Variants in DMD observed in about 807,000 individuals in gnomAD.
DMD encodes dystrophin, also known as mutant dystrophin.
DMD carries 63 observed loss-of-function variants against 330.1 expected under a neutral mutation model. The ratio of observed to expected loss-of-function variants is 0.19; its 90% CI spans 0.16 to 0.24. The LOEUF (loss-of-function observed/expected upper bound fraction) is 0.24. DMD is among the 10% of genes least tolerant of loss of function. DMD has a pLI of 1.00. For missense variants in DMD, 3,344 were observed against 2,684.1 expected, an observed-to-expected ratio of 1.25 and a Z score of -5.43; for synonymous variants, 1,223 against 959.8, an observed-to-expected ratio of 1.27 and a Z score of -5.07.
chrX:33,025,429 C>T (rs2093977685), intron 1 of DMD, among the ~76,000 whole-genome samples: 1 of 110,543 alleles, frequency 9.0e-6, no homozygotes, highest in Non-Finnish European at 1.9e-5. Flanking sequence ...CTCTTCTCTG[C>T]CATCAGATAA....
At chrX:32,607,819 T>C (rs774093921) in intron 12 of DMD, among the ~76,000 whole-genome samples, 2 of 110,576 alleles carry the variant, frequency 1.8e-5, no homozygotes, top group East Asian at 2.8e-4. Context: ...TAATTTTGTA[T>C]TACCTATACG....
chrX:32,814,632 G>T (rs1021626817), intron 6 of DMD, among the ~76,000 whole-genome samples: 1 of 111,988 alleles, frequency 8.9e-6, no homozygotes, highest in African/African-American at 3.2e-5. Context: ...GAGAGTTACT[G>T]ATGATTCATC....
At chrX:32,708,012 G>A (rs2064839814) in intron 7 of DMD, among the ~76,000 whole-genome samples, 2 of 111,871 alleles carry the variant, frequency 1.8e-5, no homozygotes, top group African/African-American at 6.5e-5. Context: ...AAAAAGTATA[G>A]TCAGTTTCAG....
intron 11 of DMD, among the ~76,000 whole-genome samples, chrX:32,623,113 T>A (rs967888552): frequency 8.9e-6 from 1 of 111,895 alleles, no homozygotes; most frequent in Admixed American, 9.5e-5. Context: ...GGAAGGGCTT[T>A]ATTACAGTAC....
chrX:32,945,406 T>C (rs1223982218), intron 2 of DMD, among the ~76,000 whole-genome samples: 4 of 111,621 alleles, frequency 3.6e-5, no homozygotes, highest in Admixed American at 9.5e-5. Flanking sequence ...GTTATAATAG[T>C]TGTCATTGTT....
rs999651884 is a variant in DMD at position 31,120,152 on chromosome X, A to G, written c.*1767T>C. ...GCAAAATTATAGGTCACACGGTGGT[A>G]TCTATTGAATGAATGATTTAAAAAT... On this transcript the variant is annotated 3_prime_UTR_variant, in exon 79 of 79. Transcript: ENST00000357033. The G allele has an allele frequency of 1.8e-5, 2 of 111,944 alleles. No individual in the cohort carries two copies. Among genetic ancestry groups the G allele is most frequent in the Non-Finnish European group, 3.8e-5 (2 of 52,956 alleles). 9.2% of individuals were successfully genotyped at this position (111,944 alleles called of 1,213,427 possible). A position where few individuals can be genotyped will look rare whatever the true frequency, so the allele number is the denominator to read the frequency against.
At chrX:32,783,176 C>A (rs1047409460) in intron 7 of DMD, among the ~76,000 whole-genome samples, 1 of 94,017 alleles carries the variant, frequency 1.1e-5, no homozygotes, top group African/African-American at 3.7e-5. Context: ...GGCATATACA[C>A]ACATATATAC....
At position 33,127,937 on chromosome X, in the gene DMD, T is replaced by C. The variant is rs2095475315; in HGVS notation, c.31+83345A>G. ...GTGATTTGCATTATCCTATAGGTTA[T>C]TGGTGTCAAACCCCTTTCTTCCCTT... On this transcript the variant is annotated intron_variant, in intron 1 of 78. Coordinates refer to ENST00000357033, the MANE Select transcript of DMD (RefSeq NM_004006.3). The C allele has an allele frequency of 2.6e-5, 20 of 778,494 alleles. No individual in the cohort carries two copies. In the South Asian group the frequency reaches 6.4e-4, roughly 25 times the overall value. The allele number at this position is 778,494 out of a possible 1,213,427, so 64.2% of individuals were successfully genotyped here. A position where few individuals can be genotyped will look rare whatever the true frequency, so the allele number is the denominator to read the frequency against.
chrX:32,670,248 C>T (rs1238387288), intron 9 of DMD, among the ~76,000 whole-genome samples: 2 of 112,009 alleles, frequency 1.8e-5, no homozygotes, highest in South Asian at 7.3e-4. Context: ...AGTCAAGTAA[C>T]ACCCAGTAAT....
rs202232293 is a variant in DMD at position 32,693,767 on chromosome X, T to TA, written c.960+4102dup. ...CGGTGTAGTTTGTTTTTTTAAGTGT[T>TA]ACAATGAGGGTAGCCTTCACTTTTA... On this transcript the variant is annotated intron_variant, in intron 9 of 78. Transcript: ENST00000357033. 2.7e-3 allele frequency among the ~76,000 whole-genome samples: 300 copies of TA among 111,851 alleles called. 1 individual carries two copies. Among genetic ancestry groups the TA allele is most frequent in the African/African-American group, 9.3e-3 (287 of 30,718 alleles).
intron 50 of DMD, among the ~76,000 whole-genome samples, chrX:31,811,313 G>A (rs756757219): frequency 1.3e-3 from 150 of 111,872 alleles, no homozygotes; most frequent in African/African-American, 4.8e-3. Flanking sequence ...ATTGTTGAAG[G>A]ACCTGGCCTG....
At chrX:32,868,670 C>G (rs1378625802) in intron 2 of DMD, among the ~76,000 whole-genome samples, 1 of 112,746 alleles carries the variant, frequency 8.9e-6, no homozygotes, top group African/African-American at 3.2e-5. Flanking sequence ...GGACTCTGAC[C>G]CATCCCTCCT....
At chrX:31,153,045 T>C (rs2037640949) in intron 74 of DMD, among the ~76,000 whole-genome samples, 1 of 112,187 alleles carries the variant, frequency 8.9e-6, no homozygotes. Context: ...CAGGTGGTTT[T>C]ATGGCTTCTC....
At chrX:32,355,417 C>T (rs1327251196) in intron 37 of DMD, among the ~76,000 whole-genome samples, 1 of 111,416 alleles carries the variant, frequency 9.0e-6, no homozygotes, top group Non-Finnish European at 1.9e-5. Context: ...TTTACATCTA[C>T]TGACACTGAT....
chrX:32,862,666 GA>G (rs752317068), intron 2 of DMD, among the ~76,000 whole-genome samples: 12 of 110,908 alleles, frequency 1.1e-4, no homozygotes, highest in Non-Finnish European at 1.5e-4. Context: ...AAAATTTGTG[GA>G]ATGATTACAA....
chrX:31,406,033 G>C (rs1319533455), intron 60 of DMD, among the ~76,000 whole-genome samples: 3 of 112,144 alleles, frequency 2.7e-5, no homozygotes, highest in Non-Finnish European at 5.6e-5. Flanking sequence ...CTTAACAAAA[G>C]ATGGGCAATA....
chrX:33,158,848 G>A (rs1031322112), intron 1 of DMD, among the ~76,000 whole-genome samples: 3 of 111,370 alleles, frequency 2.7e-5, no homozygotes, highest in African/African-American at 9.8e-5. Flanking sequence ...CATCTACCCA[G>A]GACTCTCATT....
At chrX:32,976,474 A>G (rs2092555288) in intron 2 of DMD, among the ~76,000 whole-genome samples, 1 of 111,737 alleles carries the variant, frequency 8.9e-6, no homozygotes, top group African/African-American at 3.3e-5. Flanking sequence ...ACCTAGCTCA[A>G]TTTTACATAT....
intron 43 of DMD, among the ~76,000 whole-genome samples, chrX:32,264,884 T>C (rs2097337940): frequency 8.9e-6 from 1 of 112,058 alleles, no homozygotes; most frequent in Admixed American, 9.4e-5. Flanking sequence ...CAGTTTTATG[T>C]ATCCACAAAG....
Sources: gnomAD v4.1 joint callset for allele counts (sites outside exome capture counted in the v4.1 genomes callset) on GRCh38, gnomAD v4.1.1 for gene constraint, MANE v1.5 for transcripts, NCBI Gene and HGNC (gene_info 2026-07-23, HGNC 2026-07-21) for gene names.